CNTNAP2: variants seen among roughly 807,000 people sequenced by gnomAD.
CNTNAP2 encodes contactin associated protein 2, also known as contactin-associated protein-like 2.
A neutral mutation model predicts 155.2 loss-of-function variants in CNTNAP2; 98 were observed. The observed-to-expected ratio is 0.63, with a 90% CI of 0.54 to 0.75. The LOEUF (loss-of-function observed/expected upper bound fraction) is 0.75, where lower values mean the gene tolerates loss of function less well. Ranked by LOEUF, CNTNAP2 falls within the 30% of genes least tolerant of loss-of-function variation. The pLI is 0.00. For synonymous variants in CNTNAP2, 651 were observed against 631.2 expected, an observed-to-expected ratio of 1.03 and a Z score of -0.47; for missense variants, 1,727 against 1,688.1, an observed-to-expected ratio of 1.02 and a Z score of -0.40.
intron 20 of CNTNAP2, among the ~76,000 whole-genome samples, chr7:148,231,910 T>C (rs73474262): frequency 0.043 from 6,510 of 152,024 alleles, 469 homozygotes; most frequent in African/African-American, 0.15. Flanking sequence ...GGAGTGAAAA[T>C]TTTGGATGCA....
At chr7:146,253,900 A>C (rs1283568492) in intron 1 of CNTNAP2, among the ~76,000 whole-genome samples, 1 of 151,976 alleles carries the variant, frequency 6.6e-6, no homozygotes, top group East Asian at 1.9e-4. Context: ...CTACAAAAAA[A>C]AAAAATTAAA....
chr7:146,805,960 C>A (rs1250001095), intron 2 of CNTNAP2, among the ~76,000 whole-genome samples: 3 of 152,064 alleles, frequency 2.0e-5, no homozygotes, highest in African/African-American at 7.2e-5. Context: ...GTTTGAGGTT[C>A]TGTTAAGTCA....
chr7:147,008,831 G>A (rs1197566766), intron 3 of CNTNAP2, among the ~76,000 whole-genome samples: 2 of 152,050 alleles, frequency 1.3e-5, no homozygotes, highest in African/African-American at 2.4e-5. Context: ...GTTGTCTCGG[G>A]TGATAAAGTG....
chr7:147,534,157 C>G (rs1584796798), intron 11 of CNTNAP2, among the ~76,000 whole-genome samples: 1 of 152,086 alleles, frequency 6.6e-6, no homozygotes, highest in Non-Finnish European at 1.5e-5. Context: ...TTGGCAATGC[C>G]TAGAGACATT....
chr7:146,946,071 T>C (rs371439564), intron 3 of CNTNAP2, among the ~76,000 whole-genome samples: 3 of 136,348 alleles, frequency 2.2e-5, no homozygotes, highest in African/African-American at 8.1e-5. Context: ...CTTCCTTCCT[T>C]CCCTTCCTTC....
chr7:146,241,406 A>G (rs1470619877), intron 1 of CNTNAP2, among the ~76,000 whole-genome samples: 1 of 152,214 alleles, frequency 6.6e-6, no homozygotes, highest in Non-Finnish European at 1.5e-5. Context: ...AATAAGCTTT[A>G]TTTAGCCAGA....
rs567852631 is a variant in CNTNAP2, at chr7:147,631,556, C to T, written c.1898-7550C>T. 3.3e-5 allele frequency among the ~76,000 whole-genome samples: 5 copies of T among 152,264 alleles called. No homozygotes were observed. In the Middle Eastern group the frequency reaches 0.01, roughly 311 times the overall value. The stretch of plus-strand genomic sequence containing the variant: ...AAAGCTAAAAGAACAAATCTGGAGG[C>T]ATCACGTTACCCTAATTAAAACTAT... On this transcript the variant is annotated intron_variant, in intron 12 of 23. Coordinates refer to ENST00000361727, the MANE Select transcript of CNTNAP2 (RefSeq NM_014141.6).
At position 146,205,727 on chromosome 7, in the gene CNTNAP2, T is replaced by G. The variant is rs544700258; in HGVS notation, c.97+88754T>G. Among the ~76,000 whole-genome samples the G allele has an allele frequency of 7.6e-4, 115 of 152,040 alleles. 1 individual carries two copies. Among genetic ancestry groups the G allele is most frequent in the African/African-American group, 2.6e-3 (108 of 41,560 alleles). ...AATGAATCCGGCCATAGGATATATA[T>G]TGTAATTATTAAAAGTCTAACATAG... On this transcript the variant is annotated intron_variant, in intron 1 of 23. Transcript: ENST00000361727.
At chr7:148,021,031 A>G (rs966258) in intron 15 of CNTNAP2, among the ~76,000 whole-genome samples, 150,419 of 152,332 alleles carry the variant, frequency 0.99, 74,269 homozygotes, top group East Asian at 1. Flanking sequence ...AAGCAGGAAG[A>G]CATCATATTT....
intron 4 of CNTNAP2, among the ~76,000 whole-genome samples, chr7:147,101,387 G>A (rs896360956): frequency 1.3e-5 from 2 of 152,220 alleles, no homozygotes; most frequent in Non-Finnish European, 2.9e-5. Flanking sequence ...GGAGCATGCA[G>A]GTGAGCTGGA....
rs192934022 is a variant in CNTNAP2 at position 147,391,492 on chromosome 7, T to C, written c.1499-4117T>C. The stretch of plus-strand genomic sequence containing the variant: ...TTCAGTACAAGCTGGTGGTGTTACC[T>C]CCAATATAGTTATCTTAAAAATGAA... On this transcript the variant is annotated intron_variant, in intron 9 of 23. Transcript: ENST00000361727. 1.6e-3 allele frequency among the ~76,000 whole-genome samples: 249 copies of C among 152,232 alleles called. 1 individual carries two copies. Among genetic ancestry groups the C allele is most frequent in the African/African-American group, 5.7e-3 (237 of 41,558 alleles).
At chr7:148,302,997 T>G (rs145607710) in intron 21 of CNTNAP2, among the ~76,000 whole-genome samples, 105 of 152,054 alleles carry the variant, frequency 6.9e-4, no homozygotes, top group African/African-American at 2.5e-3. Flanking sequence ...TTTTGTATTT[T>G]TAGTAGAGGC....
intron 18 of CNTNAP2, among the ~76,000 whole-genome samples, chr7:148,196,556 C>T (rs1338969301): frequency 6.6e-6 from 1 of 152,118 alleles, no homozygotes; most frequent in Non-Finnish European, 1.5e-5. Flanking sequence ...TAACAGCTCC[C>T]GGCACTTTCT....
At chr7:147,883,761 T>G (rs1193785235) in intron 13 of CNTNAP2, among the ~76,000 whole-genome samples, 1 of 152,224 alleles carries the variant, frequency 6.6e-6, no homozygotes, top group Admixed American at 6.5e-5. Context: ...CTTTTTTCTT[T>G]TTTTAAAAAT....
chr7:148,322,793 T>A (rs527772587), intron 21 of CNTNAP2, among the ~76,000 whole-genome samples: 1 of 106,510 alleles, frequency 9.4e-6, no homozygotes, highest in East Asian at 2.2e-4. Context: ...TGTTGTTTTT[T>A]GGGGTTTTTT....
intron 1 of CNTNAP2, among the ~76,000 whole-genome samples, chr7:146,739,279 T>G (rs560312582): frequency 1.1e-3 from 172 of 152,124 alleles, no homozygotes; most frequent in South Asian, 2.3e-3. Context: ...GCTATAAAAC[T>G]TCTTAGAATG....
At chr7:147,464,616 G>A (rs574337173) in intron 10 of CNTNAP2, among the ~76,000 whole-genome samples, 81 of 152,098 alleles carry the variant, frequency 5.3e-4, no homozygotes, top group African/African-American at 1.9e-3. Context: ...ATTAAATAAG[G>A]AGTTCTGTAA....
chr7:147,469,196 C>T (rs1350854731), intron 10 of CNTNAP2, among the ~76,000 whole-genome samples: 1 of 152,150 alleles, frequency 6.6e-6, no homozygotes, highest in Non-Finnish European at 1.5e-5. Flanking sequence ...TTGCAGTAAT[C>T]ATTAATGGAG....
chr7:146,440,644 G>A (rs182879557), intron 1 of CNTNAP2, among the ~76,000 whole-genome samples: 1 of 151,572 alleles, frequency 6.6e-6, no homozygotes, highest in East Asian at 1.9e-4. Flanking sequence ...CCAAAACAAT[G>A]CATCTGCGTA....
Sources: gnomAD v4.1 joint callset for allele counts (sites outside exome capture counted in the v4.1 genomes callset) on GRCh38, gnomAD v4.1.1 for gene constraint, MANE v1.5 for transcripts, NCBI Gene and HGNC (gene_info 2026-07-23, HGNC 2026-07-21) for gene names.